Variants in LRP1B observed in about 807,000 individuals in gnomAD.
The protein encoded by LRP1B is low-density lipoprotein receptor-related protein 1B.
LRP1B carries 217 observed loss-of-function variants against 556.6 expected under a neutral mutation model. The ratio of observed to expected loss-of-function variants is 0.39; its 90% CI spans 0.35 to 0.44. LRP1B has a LOEUF of 0.44. Ranked by LOEUF, LRP1B falls within the 20% of genes least tolerant of loss-of-function variation. The probability of loss-of-function intolerance (pLI) is 1.00; values close to 1 mark genes in which losing one functional copy is unlikely to be tolerated. For missense variants in LRP1B, 5,053 were observed against 5,620.8 expected (o/e 0.90, Z 3.23); for synonymous variants, 2,047 against 1,865.8 (o/e 1.10, Z -2.50).
chr2:140,272,131 T>TAGAC (rs1354266293), intron 85 of LRP1B, among the ~76,000 whole-genome samples: 4 of 151,968 alleles, frequency 2.6e-5, no homozygotes, highest in Non-Finnish European at 4.4e-5. Flanking sequence ...CAGAAATTTG[T>TAGAC]AGACATTTTA....
intron 11 of LRP1B, among the ~76,000 whole-genome samples, chr2:141,025,293 A>G (rs1852168): frequency 6.6e-6 from 1 of 152,000 alleles, no homozygotes; most frequent in Non-Finnish European, 1.5e-5. Context: ...CACAAATAAT[A>G]ATTTCTGGAT....
In LRP1B at chr2:141,818,685, T is replaced by C. The variant is rs113123486; in HGVS notation, c.83-8284A>G. Among the ~76,000 whole-genome samples, 1,085 of 151,328 alleles carry C rather than the reference T, an allele frequency of 7.2e-3. 16 individuals carry two copies. The highest frequency in any genetic ancestry group is 0.023 in the African/African-American group (960 of 41,334). On this transcript the variant is annotated intron_variant, in intron 1 of 90. Coordinates refer to ENST00000389484, the MANE Select transcript of LRP1B (RefSeq NM_018557.3). ...CCGAGTAGCTAGGACTACAGGCGCC[T>C]GCCACCACACCTGGCTAATTTTTTG... is the stretch of plus-strand genomic sequence containing the variant.
At chr2:141,681,910 A>G (rs918292368) in intron 2 of LRP1B, among the ~76,000 whole-genome samples, 3 of 152,182 alleles carry the variant, frequency 2.0e-5, no homozygotes, top group African/African-American at 2.4e-5. Flanking sequence ...CCAGTTTTCT[A>G]CTGCACAAAG....
At chr2:140,785,108 T>C (rs1689849507) in intron 32 of LRP1B, among the ~76,000 whole-genome samples, 1 of 152,130 alleles carries the variant, frequency 6.6e-6, no homozygotes, top group African/African-American at 2.4e-5. Flanking sequence ...ATAATAGCAT[T>C]GGACTTCTCA....
chr2:141,996,909 AATT>A (rs1446957620), intron 1 of LRP1B, among the ~76,000 whole-genome samples: 6 of 152,166 alleles, frequency 3.9e-5, no homozygotes, highest in Non-Finnish European at 7.3e-5. Flanking sequence ...ACTCATAAAT[AATT>A]GTTTTTCTTG....
At chr2:140,458,387 T>G (rs902879772) in intron 60 of LRP1B, among the ~76,000 whole-genome samples, 1 of 152,202 alleles carries the variant, frequency 6.6e-6, no homozygotes, top group African/African-American at 2.4e-5. Context: ...ATTACTCATT[T>G]GAGTGAATCC....
chr2:141,639,497 A>G (rs1689252438), intron 2 of LRP1B, among the ~76,000 whole-genome samples: 1 of 148,364 alleles, frequency 6.7e-6, no homozygotes, highest in African/African-American at 2.5e-5. Context: ...GCTCACTGCA[A>G]CCTCTGTATA....
chr2:140,269,487 T>C (rs1429787772), intron 86 of LRP1B: 3 of 409,234 alleles, frequency 7.3e-6, no homozygotes, highest in African/African-American at 6.2e-5. Context: ...AACGAAAAGG[T>C]TCCCAGATAT....
At position 141,015,869 on chromosome 2, in the gene LRP1B, C is replaced by T. The variant is rs745855601; in HGVS notation, c.2017G>A (p.Val673Met). 1.9e-5 allele frequency: 30 copies of T among 1,613,492 alleles called. No homozygotes were observed. Among genetic ancestry groups the T allele is most frequent in the African/African-American group, 5.3e-5 (4 of 74,856 alleles). The change falls in exon 13 of 91, where the codon GTG becomes ATG. Residue 673 changes from valine to methionine, a missense_variant. Physicochemically the swap from Val to Met is conservative, Grantham distance 21 (BLOSUM62 1). This residue lies in a region of LRP1B where 3,619 missense variants were observed against 3,931.9 expected (regional missense o/e 0.92). Transcript: ENST00000389484. ...DWEEDEIDDSVGRIEKAWMDG... is the reference protein window; with the variant it reads ...DWEEDEIDDSMGRIEKAWMDG... ...ATCCAGGCCTTCTCAATCCTTCCCA[C>T]GCTGTCATCTATTTCATCTTCCTCC...
chr2:141,338,761 T>C (rs527922832), intron 3 of LRP1B, among the ~76,000 whole-genome samples: 1 of 152,154 alleles, frequency 6.6e-6, no homozygotes, highest in Non-Finnish European at 1.5e-5. Flanking sequence ...ATGCTCTAAT[T>C]TACTACTACA....
At chr2:140,319,611 C>T (rs115956826) in intron 82 of LRP1B, among the ~76,000 whole-genome samples, 5 of 152,154 alleles carry the variant, frequency 3.3e-5, no homozygotes, top group South Asian at 4.2e-4. Flanking sequence ...ACACACACTG[C>T]GGCCTTTTGG....
intron 35 of LRP1B, among the ~76,000 whole-genome samples, chr2:140,725,684 TAAAAATAAAA>T (rs1490244311): frequency 4.0e-5 from 6 of 150,974 alleles, no homozygotes; most frequent in African/African-American, 1.5e-4. Flanking sequence ...TAAAGTATAA[TAAAAATAAAA>T]ATAAATAAAA....
chr2:141,208,730 G>C (rs750099064), intron 6 of LRP1B, among the ~76,000 whole-genome samples: 1 of 151,602 alleles, frequency 6.6e-6, no homozygotes, highest in Non-Finnish European at 1.5e-5. Context: ...TTAGCTGGGC[G>C]TAGTGGCAGG....
At chr2:140,830,854 A>G (rs1317903199) in intron 31 of LRP1B, among the ~76,000 whole-genome samples, 1 of 152,110 alleles carries the variant, frequency 6.6e-6, no homozygotes, top group African/African-American at 2.4e-5. Flanking sequence ...TGATAAACAA[A>G]TTCAATAATG....
chr2:140,448,081 AT>A, intron 63 of LRP1B, among the ~76,000 whole-genome samples: 1 of 150,728 alleles, frequency 6.6e-6, no homozygotes, highest in East Asian at 1.9e-4. Flanking sequence ...TGAAAAAAAA[AT>A]TGAACTAGTG....
intron 75 of LRP1B, 39 bp from the exon 76 acceptor site, chr2:140,353,111 C>T: frequency 1.9e-6 from 3 of 1,606,942 alleles, no homozygotes; most frequent in South Asian, 2.2e-5. Flanking sequence ...ATCATACCCT[C>T]AATTCAGACT....
intron 17 of LRP1B, among the ~76,000 whole-genome samples, chr2:140,989,110 GA>G (rs1697013510): frequency 6.6e-6 from 1 of 151,898 alleles, no homozygotes; most frequent in Admixed American, 6.6e-5. Context: ...TGCATGAATA[GA>G]AAACTATTCA....
chr2:141,214,338 T>C (rs2105260343), intron 6 of LRP1B, among the ~76,000 whole-genome samples: 1 of 152,320 alleles, frequency 6.6e-6, no homozygotes, highest in East Asian at 1.9e-4. Flanking sequence ...TGACAGTTTC[T>C]CAAAGGCTGA....
chr2:141,585,779 A>T (rs1687115702), intron 2 of LRP1B, among the ~76,000 whole-genome samples: 1 of 152,184 alleles, frequency 6.6e-6, no homozygotes, highest in African/African-American at 2.4e-5. Context: ...AATAACTTAA[A>T]TAAATTTTCT....
Sources: allele counts gnomAD v4.1 joint callset (sites outside exome capture counted in the v4.1 genomes callset), GRCh38; gene constraint gnomAD v4.1.1; regional missense constraint gnomAD v4.1.1; transcripts MANE v1.5; gene names NCBI Gene and HGNC (gene_info 2026-07-23, HGNC 2026-07-21).